GRM7: variants seen among roughly 807,000 people sequenced by gnomAD.
GRM7 encodes the protein glutamate metabotropic receptor 7, also known as metabotropic glutamate receptor 7.
A neutral mutation model predicts 84.5 loss-of-function variants in GRM7; 35 were observed. The observed-to-expected ratio is 0.41, with a 90% CI of 0.32 to 0.55. The LOEUF (loss-of-function observed/expected upper bound fraction) is 0.55, where lower values mean the gene tolerates loss of function less well. Among genes scored for constraint, GRM7 ranks in the 20% least tolerant of loss-of-function variants. GRM7 has a pLI of 0.19. For missense variants in GRM7, 1,003 were observed against 1,194.6 expected (o/e 0.84, Z 2.36); for synonymous variants, 487 against 455.1 (o/e 1.07, Z -0.89).
At chr3:7,260,704 T>TGG (rs1386274372) in intron 2 of GRM7, among the ~76,000 whole-genome samples, 1 of 151,976 alleles carries the variant, frequency 6.6e-6, no homozygotes, top group African/African-American at 2.4e-5. Context: ...TGTGTGTGTG[T>TGG]GTCTCAGTCT....
intron 1 of GRM7, among the ~76,000 whole-genome samples, chr3:7,040,530 C>G (rs936260788): frequency 6.6e-6 from 1 of 151,900 alleles, no homozygotes; most frequent in Non-Finnish European, 1.5e-5. Context: ...GTCTCGATCT[C>G]CTGACCTGGT....
At chr3:7,494,850 A>G (rs1424350358) in intron 7 of GRM7, among the ~76,000 whole-genome samples, 1 of 152,204 alleles carries the variant, frequency 6.6e-6, no homozygotes, top group Non-Finnish European at 1.5e-5. Flanking sequence ...TTTGTCCAAG[A>G]GAACTCATAA....
At chr3:7,607,782 A>G (rs1458916713) in intron 8 of GRM7, 1 of 132,080 alleles carries the variant, frequency 7.6e-6, no homozygotes, top group Non-Finnish European at 1.6e-5. Flanking sequence ...ACTTTTGTAC[A>G]TACATAAACA....
intron 9 of GRM7, among the ~76,000 whole-genome samples, chr3:7,705,751 G>A (rs528427663): frequency 6.6e-6 from 1 of 152,262 alleles, no homozygotes; most frequent in Non-Finnish European, 1.5e-5. Flanking sequence ...TCAAGAAAAA[G>A]CCTGGGAAAT....
At chr3:7,379,953 C>T (rs1435709437) in intron 4 of GRM7, among the ~76,000 whole-genome samples, 1 of 152,184 alleles carries the variant, frequency 6.6e-6, no homozygotes, top group Non-Finnish European at 1.5e-5. Context: ...TTCTCCAAAC[C>T]TTCTTACTAC....
chr3:7,576,416 A>G (rs1694966481), intron 7 of GRM7, among the ~76,000 whole-genome samples: 1 of 152,232 alleles, frequency 6.6e-6, no homozygotes, highest in Non-Finnish European at 1.5e-5. Flanking sequence ...AAATTCAACC[A>G]TTAAAAGGTT....
At chr3:7,146,356 C>A in intron 1 of GRM7, 96 bp from the exon 2 acceptor site, 1 of 975,390 alleles carries the variant, frequency 1.0e-6, no homozygotes, top group Non-Finnish European at 1.6e-6. Flanking sequence ...TCCTTTGCAG[C>A]TCAAACCCTG....
intron 2 of GRM7, among the ~76,000 whole-genome samples, chr3:7,243,775 CT>C (rs923127014): frequency 7.9e-5 from 12 of 152,080 alleles, no homozygotes; most frequent in Admixed American, 2.0e-4. Context: ...TTACACACCC[CT>C]AGATGACATG....
chr3:7,347,839 T>A (rs989126), intron 4 of GRM7, among the ~76,000 whole-genome samples: 13 of 152,030 alleles, frequency 8.6e-5, no homozygotes, highest in African/African-American at 3.1e-4. Context: ...TTCAAAGTGC[T>A]TTTTGACATT....
At chr3:7,462,549 C>A (rs1055467726) in intron 7 of GRM7, among the ~76,000 whole-genome samples, 1 of 152,184 alleles carries the variant, frequency 6.6e-6, no homozygotes, top group Non-Finnish European at 1.5e-5. Context: ...ATGCCATTAG[C>A]CTTTATTAAT....
At chr3:7,288,414 A>G (rs991803947) in intron 2 of GRM7, among the ~76,000 whole-genome samples, 3 of 152,116 alleles carry the variant, frequency 2.0e-5, no homozygotes, top group African/African-American at 4.8e-5. Flanking sequence ...GAAGGAAATC[A>G]TATCAGAATT....
chr3:7,671,317 G>A (rs543413393), intron 8 of GRM7, among the ~76,000 whole-genome samples: 1 of 152,192 alleles, frequency 6.6e-6, no homozygotes, highest in South Asian at 2.1e-4. Context: ...TTCCAAGGAT[G>A]TGGTCAATTG....
At chr3:7,408,421 A>C (rs555872948) in intron 4 of GRM7, among the ~76,000 whole-genome samples, 1 of 152,294 alleles carries the variant, frequency 6.6e-6, no homozygotes, top group Admixed American at 6.5e-5. Flanking sequence ...TCGTTGCAAT[A>C]ATTCTTATTT....
intron 1 of GRM7, among the ~76,000 whole-genome samples, chr3:7,004,977 T>C (rs1266539868): frequency 2.0e-5 from 3 of 152,168 alleles, no homozygotes; most frequent in Admixed American, 6.5e-5. Context: ...TTGAGTGTCA[T>C]TGCCAGGCAC....
At chr3:7,017,034 A>G (rs1695591389) in intron 1 of GRM7, among the ~76,000 whole-genome samples, 1 of 152,202 alleles carries the variant, frequency 6.6e-6, no homozygotes, top group African/African-American at 2.4e-5. Context: ...CTGCATTTTA[A>G]CATGAGCCCC....
intron 1 of GRM7, among the ~76,000 whole-genome samples, chr3:7,010,373 G>T (rs570736283): frequency 7.7e-4 from 117 of 152,340 alleles, no homozygotes; most frequent in African/African-American, 2.7e-3. Flanking sequence ...AGAATTGCTT[G>T]AACCCGGGAA....
chr3:7,019,145 T>C (rs1262085935), intron 1 of GRM7, among the ~76,000 whole-genome samples: 3 of 152,210 alleles, frequency 2.0e-5, no homozygotes, highest in African/African-American at 7.2e-5. Flanking sequence ...TGAAAATGTA[T>C]AGTTTCTGTA....
chr3:7,312,546 A>G (rs1440856558), intron 4 of GRM7, among the ~76,000 whole-genome samples: 1 of 152,158 alleles, frequency 6.6e-6, no homozygotes, highest in Non-Finnish European at 1.5e-5. Context: ...AGTTACCTCA[A>G]GGAGACTGTG....
rs1699205369 is a variant in GRM7 at position 7,103,824 on chromosome 3, CTCTCTG to C, written c.520-42622_520-42617del. ...TTTCTTTCTTTCTTTCTTTCTCTCTCTCTCTGTCTCTCTCTCCCTCTCTCTCTCTCT... is the reference window on the plus strand; with the variant it reads ...TTTCTTTCTTTCTTTCTTTCTCTCTCTCTCTCTCTCCCTCTCTCTCTCTCT... On this transcript the variant is annotated intron_variant, in intron 1 of 9. Coordinates refer to ENST00000357716, the MANE Select transcript of GRM7 (RefSeq NM_000844.4). Among the ~76,000 whole-genome samples the C allele has an allele frequency of 5.8e-5, 6 of 104,132 alleles. No homozygotes were observed. In the East Asian group the frequency reaches 1.4e-3, roughly 23 times the overall value. 68.3% of individuals were successfully genotyped at this position (104,132 alleles called of 152,430 possible). A position where few individuals can be genotyped will look rare whatever the true frequency, so the allele number is the denominator to read the frequency against.
Sources: allele counts gnomAD v4.1 joint callset (sites outside exome capture counted in the v4.1 genomes callset), GRCh38; gene constraint gnomAD v4.1.1; transcripts MANE v1.5; gene names NCBI Gene and HGNC (gene_info 2026-07-23, HGNC 2026-07-21).